The following CHORDC1 variants were observed in gnomAD, a reference collection of about 807,000 sequenced individuals.
The protein encoded by CHORDC1 is cysteine and histidine-rich domain-containing protein 1.
CHORDC1 carries 25 observed loss-of-function variants against 48.3 expected under a neutral mutation model. The ratio of observed to expected loss-of-function variants is 0.52; its 90% confidence interval spans 0.38 to 0.72. The LOEUF is 0.72. CHORDC1 is among the 30% of genes least tolerant of loss of function. CHORDC1 has a pLI of 0.00. For synonymous variants in CHORDC1, 128 were observed against 126.4 expected (o/e 1.01, Z -0.09); for missense variants, 317 against 388.7 (o/e 0.82, Z 1.55).
intron 10 of CHORDC1, 86 bp from the exon 11 acceptor site, chr11:90,202,637 T>C (rs1857569955): frequency 1.3e-6 from 2 of 1,489,464 alleles, no homozygotes; most frequent in Admixed American, 2.2e-5. Flanking sequence ...ATGCCAATAA[T>C]CCCAAATCCA....
At chr11:90,212,265 C>G (rs1857890823) in intron 4 of CHORDC1, 1 of 146,832 alleles carries the variant, frequency 6.8e-6, no homozygotes, top group Non-Finnish European at 1.5e-5. Flanking sequence ...CCATGCTGTT[C>G]TCATGATAGT....
Position 90,202,132 on chromosome 11 carries a change from G to T in CHORDC1, c.*273C>A. On this transcript the variant is annotated 3_prime_UTR_variant, in exon 11 of 11. Transcript: ENST00000320585. Reference sequence around the variant, plus strand: ...AAATACAAAGAAATACTGCAATTATGGTTATGGGCTACTTTCCAGCCTCTT... The same window carrying T: ...AAATACAAAGAAATACTGCAATTATTGTTATGGGCTACTTTCCAGCCTCTT... 1 of 309,218 alleles carries T rather than the reference G, an allele frequency of 3.2e-6. No homozygotes were observed. The highest frequency in any genetic ancestry group is 5.9e-6 in the Non-Finnish European group (1 of 170,218). The allele number at this position is 309,218 out of a possible 1,614,324, so 19.2% of individuals were successfully genotyped here. A position where few individuals can be genotyped will look rare whatever the true frequency, so the allele number is the denominator to read the frequency against.
At position 90,214,022 on chromosome 11, in the gene CHORDC1, G is replaced by A. The variant is rs778067060; in HGVS notation, c.325C>T (p.Pro109Ser). Residue 109 changes from proline to serine, a missense_variant, in exon 4 of 11, where the codon CCA becomes TCA. Pro to Ser is a moderately conservative substitution (Grantham distance 74). Transcript: ENST00000320585. ...APKPVEAIKR[P>S]SPDEPMTNLE... ...ATGTAACTGTATAAAGTATACCTTG[G>A]TCTTTTTATTGCTTCTACTGGCTTA... The A allele has an allele frequency of 6.2e-7, 1 of 1,610,376 alleles. No homozygotes were observed. Among genetic ancestry groups the A allele is most frequent in the African/African-American group, 1.3e-5 (1 of 74,712 alleles).
intron 6 of CHORDC1, 145 bp downstream of exon 6, chr11:90,210,391 T>C (rs1857826982): frequency 1.7e-6 from 1 of 578,224 alleles, no homozygotes; most frequent in Non-Finnish European, 3.1e-6. Flanking sequence ...CAGAGTCTCT[T>C]ATCCATGATT....
At position 90,202,200 on chromosome 11, in the gene CHORDC1, T is replaced by C; in HGVS notation, c.*205A>G. On this transcript the variant is annotated 3_prime_UTR_variant, in exon 11 of 11. Transcript: ENST00000320585. ...TATGGTTCCTACCAGTAGGGAGAAA[T>C]GAATAATCAATCTTACATAACACAA... The C allele has an allele frequency of 1.8e-6, 1 of 544,000 alleles. No individual in the cohort carries two copies. The highest frequency in any genetic ancestry group is 2.5e-5 in the South Asian group (1 of 40,152). The allele number at this position is 544,000 out of a possible 1,614,324, so 33.7% of individuals were successfully genotyped here.
Position 90,204,688 on chromosome 11 carries a change from G to A in CHORDC1, c.669+772C>T, listed in dbSNP as rs868664492. Among the ~76,000 whole-genome samples the A allele has an allele frequency of 9.2e-5, 14 of 151,986 alleles. No individual in the cohort carries two copies. In the East Asian group the frequency reaches 1.7e-3, roughly 19 times the overall value. The stretch of plus-strand genomic sequence containing the variant: ...GTGAGCCTGCACTGCACGTCTGGGC[G>A]ACAGAGCGAGACTCTGTCTCAAGAA... On this transcript the variant is annotated intron_variant, in intron 8 of 10. Coordinates refer to ENST00000320585, the MANE Select transcript of CHORDC1 (RefSeq NM_012124.3).
intron 8 of CHORDC1, among the ~76,000 whole-genome samples, chr11:90,204,368 T>C (rs1373135195): frequency 2.0e-5 from 3 of 152,170 alleles, no homozygotes; most frequent in Admixed American, 6.5e-5. Context: ...GATAGTTTTG[T>C]GGTAGATGAA....
At position 90,201,319 on chromosome 11, in the gene CHORDC1, T is replaced by G. The variant is rs1857538692; in HGVS notation, c.*1086A>C. The G allele has an allele frequency of 6.6e-6, 1 of 151,934 alleles. No individual in the cohort carries two copies. The highest frequency in any genetic ancestry group is 2.1e-4 in the South Asian group (1 of 4,830). The allele number at this position is 151,934 out of a possible 1,614,324, so 9.4% of individuals were successfully genotyped here. On this transcript the variant is annotated 3_prime_UTR_variant, in exon 11 of 11. Coordinates refer to ENST00000320585, the MANE Select transcript of CHORDC1 (RefSeq NM_012124.3). Reference sequence around the variant, plus strand: ...TTTCCTAATTTTTCTTCTTGAGTTCTGCACTAACTCAAAACCTATCCAAAC... The same window carrying G: ...TTTCCTAATTTTTCTTCTTGAGTTCGGCACTAACTCAAAACCTATCCAAAC...
At position 90,205,287 on chromosome 11, in the gene CHORDC1, C is replaced by CA. The variant is rs376587020; in HGVS notation, c.669+172dup. Among the ~76,000 whole-genome samples, 672 of 152,286 alleles carry CA rather than the reference C, an allele frequency of 4.4e-3. 5 individuals are homozygous for CA. The highest frequency in any genetic ancestry group is 0.015 in the African/African-American group (634 of 41,548). ...GACAATGGCTATTTTGCTCAAAAGG[C>CA]AGTACACTGGCAGCTTGACTCAGAT... On this transcript the variant is annotated intron_variant, in intron 8 of 10. Transcript: ENST00000320585.
At position 90,218,207 on chromosome 11, in the gene CHORDC1, A is replaced by G. The variant is rs377338527; in HGVS notation, c.65-23T>C. On this transcript the variant is annotated intron_variant, in intron 1 of 10. Coordinates refer to ENST00000320585, the MANE Select transcript of CHORDC1 (RefSeq NM_012124.3). ...CATCTGGAGAAAACAGAGAAAAAAA[A>G]AAAAGTACCACTCTTTATAATGAAG... 5.2e-5 allele frequency: 81 copies of G among 1,557,370 alleles called. No individual in the cohort carries two copies. In the African/African-American group the frequency reaches 7.4e-4, roughly 14 times the overall value.
intron 8 of CHORDC1, among the ~76,000 whole-genome samples, chr11:90,204,939 T>A (rs1284796689): frequency 1.3e-5 from 2 of 152,010 alleles, no homozygotes; most frequent in African/African-American, 4.8e-5. Flanking sequence ...TAGGAAATGA[T>A]GCTTTTTTCC....
chr11:90,203,652 T>G (rs903152033), intron 8 of CHORDC1, among the ~76,000 whole-genome samples: 4 of 152,030 alleles, frequency 2.6e-5, no homozygotes, highest in African/African-American at 9.7e-5. Flanking sequence ...ACTTACTCCT[T>G]CCCTTTGTTT....
intron 6 of CHORDC1, chr11:90,208,121 A>G (rs552994758): frequency 6.6e-6 from 1 of 152,302 alleles, no homozygotes; most frequent in Admixed American, 6.5e-5. Context: ...ATGTGTCACA[A>G]AAGTCATGCA....
At position 90,222,575 on chromosome 11, in the gene CHORDC1, C is replaced by T. The variant is rs77674208; in HGVS notation, c.64+316G>A. The T allele has an allele frequency of 6.1e-3, 3,592 of 585,682 alleles. 97 individuals are homozygous for T. Among genetic ancestry groups the T allele is most frequent in the African/African-American group, 0.059 (3,206 of 53,924 alleles). 36.3% of individuals were successfully genotyped at this position (585,682 alleles called of 1,614,324 possible). On this transcript the variant is annotated intron_variant, in intron 1 of 10. Transcript: ENST00000320585. ...AGAGACTGGAGGGCCAGAGGAGAAA[C>T]GTGTTCGTTCTAAATTCCAGGCGAC...
Position 90,211,284 on chromosome 11 carries a change from T to C in CHORDC1, c.364A>G (p.Ile122Val). The C allele has an allele frequency of 1.9e-6, 3 of 1,609,396 alleles. No individual in the cohort carries two copies. Among genetic ancestry groups the C allele is most frequent in the Non-Finnish European group, 2.5e-6 (3 of 1,176,494 alleles). Reference sequence around the variant, plus strand: ...AGTGCTTGTTTTAGGGAGGCAGATATTTTTAATTCCAAATTTGTCATTGGT... The same window carrying C: ...AGTGCTTGTTTTAGGGAGGCAGATACTTTTAATTCCAAATTTGTCATTGGT... ...DEPMTNLELK[I>V]SASLKQALDK... Residue 122 changes from isoleucine (I) to valine (V), a missense_variant, in exon 5 of 11, where the codon ATA becomes GTA. Physicochemically the swap from Ile to Val is conservative, Grantham distance 29. Transcript: ENST00000320585.
At chr11:90,215,323 C>G in intron 2 of CHORDC1, 93 bp from the exon 3 acceptor site, 1 of 755,208 alleles carries the variant, frequency 1.3e-6, no homozygotes, top group Non-Finnish European at 2.1e-6. Flanking sequence ...TACTTGAATC[C>G]TGCAGTAACT....
Position 90,205,456 on chromosome 11 carries a change from T to C in CHORDC1, c.669+4A>G. Reference sequence around the variant, plus strand: ...AGTGTGCTATTTTTGGAAGAGTTACTTACAGCATCTTTTTTAGTCCACATG... The same window carrying C: ...AGTGTGCTATTTTTGGAAGAGTTACCTACAGCATCTTTTTTAGTCCACATG... On this transcript the variant is annotated splice_donor_region_variant and intron_variant, in intron 8 of 10. Transcript: ENST00000320585. 1 of 1,538,846 alleles carries C rather than the reference T, an allele frequency of 6.5e-7. No individual in the cohort carries two copies. The highest frequency in any genetic ancestry group is 8.9e-7 in the Non-Finnish European group (1 of 1,118,592).
intron 1 of CHORDC1, among the ~76,000 whole-genome samples, chr11:90,220,780 T>G (rs917154096): frequency 6.6e-6 from 1 of 152,188 alleles, no homozygotes; most frequent in African/African-American, 2.4e-5. Flanking sequence ...TAGCAGTGGT[T>G]AAGTGTCCAG....
intron 2 of CHORDC1, among the ~76,000 whole-genome samples, chr11:90,217,228 T>C (rs1454457419): frequency 6.6e-6 from 1 of 152,208 alleles, no homozygotes; most frequent in African/African-American, 2.4e-5. Flanking sequence ...AAGGTATAAT[T>C]AGACATTTAA....
Sources: allele counts gnomAD v4.1 joint callset (sites outside exome capture counted in the v4.1 genomes callset), GRCh38; gene constraint gnomAD v4.1.1; transcripts MANE v1.5; gene names NCBI Gene and HGNC (gene_info 2026-07-23, HGNC 2026-07-21).